The following SRPRB variants were observed in gnomAD, a reference collection of about 807,000 sequenced individuals.
SRPRB encodes SRP receptor subunit beta.
Under a neutral mutation model 31.9 loss-of-function variants are expected in SRPRB, and 20 were observed. The ratio of observed to expected loss-of-function variants is 0.63; its 90% CI spans 0.44 to 0.91. SRPRB has a LOEUF of 0.91. Ranked by LOEUF, SRPRB falls within the 40% of genes least tolerant of loss-of-function variation. SRPRB has a pLI of 0.00. For synonymous variants in SRPRB, 146 were observed against 132.8 expected (o/e 1.10, Z -0.68); for missense variants, 321 against 324.9 (o/e 0.99, Z 0.09).
chr3:133,815,273 C>G (rs1397122285), intron 4 of SRPRB, among the ~76,000 whole-genome samples: 2 of 152,112 alleles, frequency 1.3e-5, no homozygotes, highest in Non-Finnish European at 2.9e-5. Flanking sequence ...TGATCTTTCT[C>G]TTTATTCCTG....
At chr3:133,823,435 T>G (rs1193197835), downstream of SRPRB, among the ~76,000 whole-genome samples, 1 of 152,194 alleles carries the variant, frequency 6.6e-6, no homozygotes, top group Non-Finnish European at 1.5e-5. Context: ...TAATTTTTAG[T>G]AGAGATGAGG....
Position 133,807,797 on chromosome 3 carries a change from G to A in SRPRB, c.301G>A (p.Ala101Thr), listed in dbSNP as rs777688985. The A allele has an allele frequency of 8.7e-6, 14 of 1,612,258 alleles. No individual in the cohort carries two copies. The highest frequency in any genetic ancestry group is 1.2e-5 in the Non-Finnish European group (14 of 1,179,640). Residue 101 changes from alanine to threonine, a missense_variant, in exon 3 of 7, where the codon GCT becomes ACT. Ala to Thr is a moderately conservative substitution (Grantham distance 58). Transcript: ENST00000678299. ...DTQTSITDSC[A>T]VYRVNNNRGN... Reference sequence around the variant, plus strand: ...TCAGACGTCCATTACTGACAGCTGTGCTGTATACAGAGTCAACAATAACAG... The same window carrying A: ...TCAGACGTCCATTACTGACAGCTGTACTGTATACAGAGTCAACAATAACAG...
chr3:133,825,920 C>G (rs1935554940), downstream of SRPRB: 1 of 152,234 alleles, frequency 6.6e-6, no homozygotes, highest in Non-Finnish European at 1.5e-5. Context: ...ATGCAATGCT[C>G]TTGCTGGGGT....
chr3:133,806,079 G>C (rs993135265), intron 1 of SRPRB, 77 bp downstream of exon 1: 2 of 1,546,554 alleles, frequency 1.3e-6, no homozygotes, highest in Non-Finnish European at 1.7e-6. Context: ...TGCAGGCCGG[G>C]GACGCGGGGC....
intron 2 of SRPRB, 69 bp from the exon 3 acceptor site, chr3:133,807,677 A>C (rs1179832008): frequency 2.9e-6 from 3 of 1,041,804 alleles, no homozygotes; most frequent in Non-Finnish European, 4.5e-6. Flanking sequence ...TGGGAGACTT[A>C]GAATAATATA....
chr3:133,826,217 C>A (rs906801799), downstream of SRPRB: 2 of 152,172 alleles, frequency 1.3e-5, no homozygotes, highest in Non-Finnish European at 2.9e-5. Context: ...TGGGGAGAAC[C>A]CAAACTCAAA....
upstream of SRPRB, among the ~76,000 whole-genome samples, chr3:133,801,957 T>C (rs903238081): frequency 6.6e-6 from 1 of 152,208 alleles, no homozygotes. Flanking sequence ...AATCCTACTA[T>C]GTTAAAGCAT....
At chr3:133,794,719 G>A (rs916268039) in intron 1 of SRPRB, 11 of 152,286 alleles carry the variant, frequency 7.2e-5, no homozygotes, top group African/African-American at 2.6e-4. Flanking sequence ...AACCCTTAAG[G>A]TAAAGCTAAC....
intron 4 of SRPRB, among the ~76,000 whole-genome samples, chr3:133,812,189 G>A (rs1411250841): frequency 6.6e-6 from 1 of 152,148 alleles, no homozygotes; most frequent in Non-Finnish European, 1.5e-5. Context: ...CTAAAATAAT[G>A]TCTTTAATTG....
chr3:133,807,721 A>G, intron 2 of SRPRB, 25 bp from the exon 3 acceptor site: 1 of 1,524,896 alleles, frequency 6.6e-7, no homozygotes, highest in South Asian at 1.1e-5. Context: ...AATGTTGAAT[A>G]TCACCCATCT....
At chr3:133,827,246 C>G (rs1935579346), downstream of SRPRB, 1 of 152,240 alleles carries the variant, frequency 6.6e-6, no homozygotes, top group African/African-American at 2.4e-5. Flanking sequence ...CCACCATACC[C>G]CAGATGGTCA....
At chr3:133,822,910 C>G (rs1028374779), downstream of SRPRB, among the ~76,000 whole-genome samples, 8 of 152,376 alleles carry the variant, frequency 5.3e-5, no homozygotes, top group Admixed American at 2.0e-4. Context: ...AGAAACTTGA[C>G]TGCTCACAAG....
Position 133,819,851 on chromosome 3 carries a change from G to A in SRPRB, c.*85G>A. 8.2e-7 allele frequency: 1 copy of A among 1,220,496 alleles called. No homozygotes were observed. The allele number at this position is 1,220,496 out of a possible 1,614,324, so 75.6% of individuals were successfully genotyped here. On this transcript the variant is annotated 3_prime_UTR_variant, in exon 7 of 7. Coordinates refer to ENST00000678299, the MANE Select transcript of SRPRB (RefSeq NM_001379313.1). Reference sequence around the variant, plus strand: ...TGGTAGTCTGGAGTTGATGAGGAAGGGGTACAAGATGTGGTTAGAAACATT... The same window carrying A: ...TGGTAGTCTGGAGTTGATGAGGAAGAGGTACAAGATGTGGTTAGAAACATT...
chr3:133,815,453 A>G, intron 4 of SRPRB, 137 bp from the exon 5 acceptor site: 5 of 979,102 alleles, frequency 5.1e-6, no homozygotes, highest in African/African-American at 1.6e-5. Flanking sequence ...ATATGATAAC[A>G]TATGCACAGA....
intron 6 of SRPRB, among the ~76,000 whole-genome samples, chr3:133,819,002 C>T (rs187978864): frequency 4.0e-4 from 61 of 152,156 alleles, no homozygotes; most frequent in East Asian, 1.9e-4. Context: ...TGCTTATGCA[C>T]CCTTTATTAG....
At chr3:133,788,281 A>G (rs1019667580) in intron 1 of SRPRB, 8 of 152,234 alleles carry the variant, frequency 5.3e-5, no homozygotes, top group Non-Finnish European at 1.0e-4. Context: ...TAGGGTGTAT[A>G]CTAAGTAAAT....
At chr3:133,827,530 A>ATCTGG (rs1408116414), downstream of SRPRB, 5 of 215,112 alleles carry the variant, frequency 2.3e-5, no homozygotes, top group South Asian at 5.0e-4. Flanking sequence ...CTCTGGGGGC[A>ATCTGG]AGCAGCCTTC....
chr3:133,814,293 A>C (rs1323123179), intron 4 of SRPRB, among the ~76,000 whole-genome samples: 1 of 151,686 alleles, frequency 6.6e-6, no homozygotes, highest in Non-Finnish European at 1.5e-5. Context: ...CATCACACCA[A>C]GCTAATTTTT....
rs188964752 is a variant in SRPRB, at chr3:133,816,183, T to G, written c.547+457T>G. Among the ~76,000 whole-genome samples, 4 of 152,358 alleles carry G rather than the reference T, an allele frequency of 2.6e-5. No homozygotes were observed. The East Asian group carries it at 7.7e-4, about 29-fold the overall frequency. ...CTAGTAATCCCCAATAAAACTGGGC[T>G]TCAGTTCCGTTACCTGTACAATAAG... On this transcript the variant is annotated intron_variant, in intron 5 of 6. Coordinates refer to ENST00000678299, the MANE Select transcript of SRPRB (RefSeq NM_001379313.1).
Sources: gnomAD v4.1 joint callset for allele counts (sites outside exome capture counted in the v4.1 genomes callset) on GRCh38, gnomAD v4.1.1 for gene constraint, MANE v1.5 for transcripts, NCBI Gene and HGNC (gene_info 2026-07-23, HGNC 2026-07-21) for gene names.